The following TMEM63B variants were observed in gnomAD, a reference collection of about 807,000 sequenced individuals.
TMEM63B encodes the protein mechanosensitive cation channel TMEM63B.
In TMEM63B, 23 loss-of-function variants were observed where a neutral mutation model predicts 102.6. The observed-to-expected ratio is 0.22, with a 90% confidence interval of 0.16 to 0.32. The LOEUF (loss-of-function observed/expected upper bound fraction) is 0.32. TMEM63B is among the 10% of genes least tolerant of loss of function. The probability of loss-of-function intolerance (pLI) is 1.00; values close to 1 mark genes in which losing one functional copy is unlikely to be tolerated. For synonymous variants in TMEM63B, 444 were observed against 437.0 expected (o/e 1.02, Z -0.20); for missense variants, 628 against 1,095.9 (o/e 0.57, Z 6.03).
intron 8 of TMEM63B, 56 bp from the exon 9 acceptor site, chr6:44,140,196 C>A: frequency 2.9e-6 from 4 of 1,400,488 alleles, no homozygotes; most frequent in Non-Finnish European, 4.0e-6. Context: ...TGAGGTGTCT[C>A]CTCTGAGTGT....
chr6:44,134,273 G>A, intron 1 of TMEM63B: 1 of 360,788 alleles, frequency 2.8e-6, no homozygotes, highest in Non-Finnish European at 5.1e-6. Context: ...ATAGATGTTA[G>A]AAAATCACAG....
rs150279882 is a variant in TMEM63B at position 44,133,617 on chromosome 6, C to G, written c.-24-944C>G. Reference sequence around the variant, plus strand: ...TCTGTCCCCAAGCACTTTGAGAACCCAGGCACTCAGGCTGGCTGTCCCTTT... The same window carrying G: ...TCTGTCCCCAAGCACTTTGAGAACCGAGGCACTCAGGCTGGCTGTCCCTTT... On this transcript the variant is annotated intron_variant, in intron 1 of 23. Coordinates refer to ENST00000323267, the MANE Select transcript of TMEM63B (RefSeq NM_018426.3). 1.5e-4 allele frequency among the ~76,000 whole-genome samples: 23 copies of G among 152,310 alleles called. No individual in the cohort carries two copies. The East Asian group carries it at 4.4e-3, about 29-fold the overall frequency.
At chr6:44,134,509 G>T in intron 1 of TMEM63B, 52 bp from the exon 2 acceptor site, 1 of 1,565,444 alleles carries the variant, frequency 6.4e-7, no homozygotes, top group South Asian at 1.2e-5. Context: ...ACCCTACTGG[G>T]CCATGAAGGG....
intron 1 of TMEM63B, chr6:44,134,335 G>A: frequency 1.9e-6 from 1 of 517,924 alleles, no homozygotes; most frequent in South Asian, 3.0e-5. Context: ...CTGGCATCTA[G>A]ACTGAGTTCC....
chr6:44,146,714 G>A (rs1765495087), intron 10 of TMEM63B, 133 bp from the exon 11 acceptor site: 18 of 910,788 alleles, frequency 2.0e-5, no homozygotes, highest in Middle Eastern at 2.6e-4. Context: ...GCCCCCCAAA[G>A]TGCTGGGATT....
chr6:44,131,767 C>T (rs1450436469), intron 1 of TMEM63B, among the ~76,000 whole-genome samples: 1 of 144,320 alleles, frequency 6.9e-6, no homozygotes, highest in Non-Finnish European at 1.5e-5. Context: ...AGTTATAGCT[C>T]TCCAACCCCC....
intron 10 of TMEM63B, among the ~76,000 whole-genome samples, chr6:44,144,274 G>T (rs1048073180): frequency 4.1e-4 from 62 of 152,208 alleles, no homozygotes; most frequent in African/African-American, 1.2e-3. Flanking sequence ...GTCCAAGTCT[G>T]CAGTCTGTCT....
intron 1 of TMEM63B, among the ~76,000 whole-genome samples, chr6:44,129,010 C>G (rs1777783567): frequency 1.3e-5 from 2 of 152,200 alleles, no homozygotes; most frequent in African/African-American, 4.8e-5. Context: ...TCTTAGAGAC[C>G]TGCGTTCAAA....
intron 12 of TMEM63B, among the ~76,000 whole-genome samples, chr6:44,147,809 A>G (rs1156394115): frequency 6.6e-6 from 1 of 152,206 alleles, no homozygotes; most frequent in Non-Finnish European, 1.5e-5. Flanking sequence ...TTGTGAGGGT[A>G]AAGTGAGTAA....
chr6:44,133,041 T>A (rs1443085061), intron 1 of TMEM63B, among the ~76,000 whole-genome samples: 1 of 152,144 alleles, frequency 6.6e-6, no homozygotes, highest in Non-Finnish European at 1.5e-5. Flanking sequence ...CAATTCAGGA[T>A]CGTCGAGGAT....
At chr6:44,142,124 G>C (rs1159729168) in intron 10 of TMEM63B, among the ~76,000 whole-genome samples, 3 of 147,448 alleles carry the variant, frequency 2.0e-5, no homozygotes, top group Non-Finnish European at 4.5e-5. Context: ...TGTTTCAAAT[G>C]TTTCAAAAAA....
Position 44,151,980 on chromosome 6 carries a change from C to T in TMEM63B, c.1808C>T (p.Ser603Leu), listed in dbSNP as rs954585071. 5.0e-6 allele frequency: 8 copies of T among 1,610,718 alleles called. No homozygotes were observed. Among genetic ancestry groups the T allele is most frequent in the African/African-American group, 4.0e-5 (3 of 74,782 alleles). Residue 603 changes from serine (S) to leucine (L), a missense_variant, in exon 19 of 24, where the codon TCG (serine) becomes TTG (leucine). Ser to Leu is a moderately radical substitution (Grantham distance 145). This residue lies in a region of TMEM63B where 90 missense variants were observed against 136.7 expected (regional missense o/e 0.66). Transcript: ENST00000323267. ...MYMIRLCLARSAAERRNVKRH... is the reference protein window; with the variant it reads ...MYMIRLCLARLAAERRNVKRH... ...ATGATCCGGCTCTGCCTGGCGCGCT[C>T]GGCCGCCGAGAGGCGCAACGTGAAG...
intron 4 of TMEM63B, 36 bp from the exon 5 acceptor site, chr6:44,136,313 C>G (rs1211930279): frequency 6.3e-7 from 1 of 1,595,174 alleles, no homozygotes; most frequent in Non-Finnish European, 8.6e-7. Context: ...CTCAGACTCA[C>G]CAGGCTCTCT....
At chr6:44,141,550 T>C (rs1764264757) in intron 10 of TMEM63B, among the ~76,000 whole-genome samples, 1 of 152,070 alleles carries the variant, frequency 6.6e-6, no homozygotes, top group South Asian at 2.1e-4. Flanking sequence ...AATTATGTTT[T>C]GGGGTGGGTA....
rs1460270359 is a variant in TMEM63B, at chr6:44,149,813, G to A, written c.1414-46G>A. 1.6e-5 allele frequency: 24 copies of A among 1,509,720 alleles called. 1 individual carries two copies. The highest frequency in any genetic ancestry group is 3.6e-5 in the South Asian group (3 of 83,346). 93.5% of individuals were successfully genotyped at this position (1,509,720 alleles called of 1,614,324 possible). On this transcript the variant is annotated intron_variant, in intron 15 of 23. Transcript: ENST00000323267. ...GAGGCACATAAGCAAAGCCACCTGGGCCCCCTAGACTGCCCTGCCTGACGC... is the reference window on the plus strand; with the variant it reads ...GAGGCACATAAGCAAAGCCACCTGGACCCCCTAGACTGCCCTGCCTGACGC...
chr6:44,149,039 T>C (rs1328077994), intron 15 of TMEM63B, 94 bp downstream of exon 15: 1 of 1,588,566 alleles, frequency 6.3e-7, no homozygotes, highest in Admixed American at 1.7e-5. Flanking sequence ...CCCAGCCCGT[T>C]CTGCTTGTTC....
intron 8 of TMEM63B, 54 bp downstream of exon 8, chr6:44,139,813 A>C (rs1328144066): frequency 9.3e-6 from 15 of 1,609,810 alleles, no homozygotes; most frequent in Non-Finnish European, 1.3e-5. Flanking sequence ...AGTCTGGGCC[A>C]TGATGTGGGA....
At chr6:44,134,415 C>T (rs1218946798) in intron 1 of TMEM63B, 146 bp from the exon 2 acceptor site, 6 of 773,580 alleles carry the variant, frequency 7.8e-6, no homozygotes, top group South Asian at 1.9e-5. Context: ...CTCTCCCCTC[C>T]CTAGGCCCTT....
In TMEM63B at chr6:44,147,048, A is replaced by C. The variant is rs916814335; in HGVS notation, c.863+121A>C. 6.3e-6 allele frequency: 7 copies of C among 1,119,764 alleles called. 1 individual carries two copies. The South Asian group carries it at 9.1e-5, about 15-fold the overall frequency. 69.4% of individuals were successfully genotyped at this position (1,119,764 alleles called of 1,614,324 possible). A position where few individuals can be genotyped will look rare whatever the true frequency, so the allele number is the denominator to read the frequency against. ...TCCTAGGGCATTTGATTTTAATTCA[A>C]CTCGTTGGTGTGCCTGTTAATTCAG... On this transcript the variant is annotated intron_variant, in intron 11 of 23. Transcript: ENST00000323267.
Sources: allele counts gnomAD v4.1 joint callset (sites outside exome capture counted in the v4.1 genomes callset), GRCh38; gene constraint gnomAD v4.1.1; regional missense constraint gnomAD v4.1.1; transcripts MANE v1.5; gene names NCBI Gene and HGNC (gene_info 2026-07-23, HGNC 2026-07-21).